Variants in TNPO1 observed in about 807,000 individuals in gnomAD.
The protein encoded by TNPO1 is transportin-1.
A neutral mutation model predicts 119.5 loss-of-function variants in TNPO1; 8 were observed. The observed-to-expected ratio is 0.07, with a 90% confidence interval of 0.04 to 0.12. The LOEUF (loss-of-function observed/expected upper bound fraction) is 0.12. Among genes scored for constraint, TNPO1 ranks in the 10% least tolerant of loss-of-function variants. TNPO1 has a pLI of 1.00. For missense variants in TNPO1, 576 were observed against 1,089.8 expected (o/e 0.53, Z 6.64); for synonymous variants, 362 against 363.0 (o/e 1.00, Z 0.03).
intron 1 of TNPO1, among the ~76,000 whole-genome samples, chr5:72,836,814 C>CA (rs1324671426): frequency 6.6e-6 from 1 of 152,202 alleles, no homozygotes; most frequent in Non-Finnish European, 1.5e-5. Context: ...ACTCTTAAGT[C>CA]CTGCCTTCCA....
At chr5:72,850,633 C>CCAGGTATT (rs1745472657) in intron 2 of TNPO1, among the ~76,000 whole-genome samples, 2 of 152,128 alleles carry the variant, frequency 1.3e-5, no homozygotes, top group Non-Finnish European at 1.5e-5. Flanking sequence ...CGATGAAATA[C>CCAGGTATT]CTGCAAATTG....
chr5:72,832,917 CATT>C (rs1468486681), intron 1 of TNPO1, among the ~76,000 whole-genome samples: 37 of 152,146 alleles, frequency 2.4e-4, no homozygotes, highest in Admixed American at 1.4e-3. Context: ...TGGGTATATT[CATT>C]AGACTTCCTA....
intron 4 of TNPO1, among the ~76,000 whole-genome samples, chr5:72,858,889 T>C (rs1411753602): frequency 6.6e-6 from 1 of 151,692 alleles, no homozygotes; most frequent in Non-Finnish European, 1.5e-5. Context: ...GTTTTGTTTG[T>C]TTTGCTTCAG....
intron 22 of TNPO1, 91 bp from the exon 23 acceptor site, chr5:72,903,618 A>G: frequency 3.8e-6 from 3 of 798,244 alleles, no homozygotes; most frequent in Non-Finnish European, 6.1e-6. Context: ...GCTAGATTCT[A>G]TTGTGACATA....
At chr5:72,903,543 C>T (rs1229169761) in intron 22 of TNPO1, among the ~76,000 whole-genome samples, 166 bp from the exon 23 acceptor site, 4 of 152,086 alleles carry the variant, frequency 2.6e-5, no homozygotes, top group African/African-American at 9.7e-5. Flanking sequence ...ATAGGGACAG[C>T]CATTAAGGTA....
In TNPO1 at chr5:72,912,774, A is replaced by G. The variant is rs1750649069; in HGVS notation, c.*4101A>G. 6.6e-6 allele frequency: 1 copy of G among 152,458 alleles called. No individual in the cohort carries two copies. Among genetic ancestry groups the G allele is most frequent in the African/African-American group, 2.4e-5 (1 of 41,438 alleles). The allele number at this position is 152,458 out of a possible 1,614,324, so 9.4% of individuals were successfully genotyped here. A position where few individuals can be genotyped will look rare whatever the true frequency, so the allele number is the denominator to read the frequency against. Reference sequence around the variant, plus strand: ...AAATAAATTAATTGCATCTTAGTCTAAATTTAAGTCCTTTGCCATGAGGAA... The same window carrying G: ...AAATAAATTAATTGCATCTTAGTCTGAATTTAAGTCCTTTGCCATGAGGAA... On this transcript the variant is annotated 3_prime_UTR_variant, in exon 25 of 25. Coordinates refer to ENST00000337273, the MANE Select transcript of TNPO1 (RefSeq NM_002270.4).
chr5:72,891,354 A>G (rs951438654), intron 14 of TNPO1, among the ~76,000 whole-genome samples: 1 of 151,878 alleles, frequency 6.6e-6, no homozygotes, highest in Non-Finnish European at 1.5e-5. Context: ...AGTCCCAGCT[A>G]CTCGGGAGGC....
In TNPO1 at chr5:72,870,158, CTTTT is replaced by C. The variant is rs200118076; in HGVS notation, c.597-2465_597-2462del. Among the ~76,000 whole-genome samples the C allele has an allele frequency of 1.0e-3, 108 of 106,166 alleles. 1 individual carries two copies. Among genetic ancestry groups the C allele is most frequent in the Admixed American group, 3.3e-3 (28 of 8,534 alleles). 69.6% of individuals were successfully genotyped at this position (106,166 alleles called of 152,430 possible). Reference sequence around the variant, plus strand: ...ATAGTCATTTTCACAATACTAATTGCTTTTTTTTTTTTTTTTTTTGAGACGGAGT... The same window carrying C: ...ATAGTCATTTTCACAATACTAATTGCTTTTTTTTTTTTTTTGAGACGGAGT... On this transcript the variant is annotated intron_variant, in intron 6 of 24. Transcript: ENST00000337273.
At chr5:72,879,481 G>A (rs1320714728) in intron 9 of TNPO1, among the ~76,000 whole-genome samples, 1 of 152,148 alleles carries the variant, frequency 6.6e-6, no homozygotes, top group Non-Finnish European at 1.5e-5. Flanking sequence ...GCTAATTAGT[G>A]CCAACATTAA....
intron 9 of TNPO1, chr5:72,878,721 G>T (rs2112399151): frequency 1.3e-5 from 3 of 234,682 alleles, no homozygotes; most frequent in Admixed American, 5.3e-5. Context: ...TCTTTACTTT[G>T]TAATGCCACT....
intron 3 of TNPO1, 138 bp downstream of exon 3, chr5:72,851,457 A>G (rs1489059293): frequency 6.8e-6 from 4 of 584,588 alleles, no homozygotes; most frequent in Middle Eastern, 2.7e-4. Context: ...GTCTTAGTTA[A>G]TACCACTCAG....
At chr5:72,829,510 C>T (rs751257738) in intron 1 of TNPO1, among the ~76,000 whole-genome samples, 7 of 152,338 alleles carry the variant, frequency 4.6e-5, no homozygotes, top group Middle Eastern at 6.8e-3. Context: ...CCAGAACTAC[C>T]GTTGAACAAT....
intron 7 of TNPO1, among the ~76,000 whole-genome samples, chr5:72,874,382 T>A (rs1747618365): frequency 6.6e-6 from 1 of 152,172 alleles, no homozygotes; most frequent in Non-Finnish European, 1.5e-5. Flanking sequence ...TGTATAACCT[T>A]GGCAAAGCTG....
Position 72,881,835 on chromosome 5 carries a change from G to A in TNPO1, c.921-632G>A, listed in dbSNP as rs564187844. On this transcript the variant is annotated intron_variant, in intron 9 of 24. Coordinates refer to ENST00000337273, the MANE Select transcript of TNPO1 (RefSeq NM_002270.4). ...TTTCTTATACCCAGAGACCCTCACC[G>A]TACCAGATAAATATTCACTCTTAGC... Among the ~76,000 whole-genome samples the A allele has an allele frequency of 4.6e-5, 7 of 152,084 alleles. No homozygotes were observed. In the East Asian group the frequency reaches 5.8e-4, roughly 13 times the overall value.
In TNPO1 at chr5:72,908,935, A is replaced by G; in HGVS notation, c.*262A>G. On this transcript the variant is annotated 3_prime_UTR_variant, in exon 25 of 25. Coordinates refer to ENST00000337273, the MANE Select transcript of TNPO1 (RefSeq NM_002270.4). ...GTCTCCAGTTACAACTCCGCAGTGG[A>G]TGTGAAGAAGCAAAAAAAAAAAAAT... 2.2e-6 allele frequency: 1 copy of G among 449,624 alleles called. No individual in the cohort carries two copies. The highest frequency in any genetic ancestry group is 4.5e-6 in the Non-Finnish European group (1 of 224,394). 27.9% of individuals were successfully genotyped at this position (449,624 alleles called of 1,614,324 possible). A position where few individuals can be genotyped will look rare whatever the true frequency, so the allele number is the denominator to read the frequency against.
At chr5:72,830,856 A>T (rs538193923) in intron 1 of TNPO1, among the ~76,000 whole-genome samples, 6 of 152,272 alleles carry the variant, frequency 3.9e-5, no homozygotes, top group Admixed American at 3.9e-4. Context: ...GCCATAATGG[A>T]AATAGTATGT....
At position 72,848,217 on chromosome 5, in the gene TNPO1, A is replaced by G. The variant is rs1305946601; in HGVS notation, c.16-168A>G. 4.0e-6 allele frequency: 5 copies of G among 1,241,518 alleles called. No individual in the cohort carries two copies. In the Admixed American group the frequency reaches 1.7e-4, roughly 43 times the overall value. 76.9% of individuals were successfully genotyped at this position (1,241,518 alleles called of 1,614,324 possible). On this transcript the variant is annotated intron_variant, in intron 1 of 24. Coordinates refer to ENST00000337273, the MANE Select transcript of TNPO1 (RefSeq NM_002270.4). ...GCCAGGAGCAGTTCCGCCGGGTTTC[A>G]CTGTCCGTGACTTCCTTCGGGGCAC...
chr5:72,876,225 A>G (rs940103229), intron 8 of TNPO1, among the ~76,000 whole-genome samples: 1 of 152,212 alleles, frequency 6.6e-6, no homozygotes, highest in Non-Finnish European at 1.5e-5. Flanking sequence ...TCTTTCTTCC[A>G]CAATACTCAG....
Position 72,816,721 on chromosome 5 carries a change from C to T in TNPO1, c.-17C>T. ...GTGCCGCTTCGGCCGAAGGCCCGAG[C>T]GCCCGAGGCGTCTGGGATGGTGTGG... On this transcript the variant is annotated 5_prime_UTR_variant, in exon 1 of 25. Coordinates refer to ENST00000337273, the MANE Select transcript of TNPO1 (RefSeq NM_002270.4). 6.4e-7 allele frequency: 1 copy of T among 1,571,530 alleles called. No individual in the cohort carries two copies. Among genetic ancestry groups the T allele is most frequent in the Non-Finnish European group, 8.6e-7 (1 of 1,161,082 alleles).
Sources: allele counts gnomAD v4.1 joint callset (sites outside exome capture counted in the v4.1 genomes callset), GRCh38; gene constraint gnomAD v4.1.1; transcripts MANE v1.5; gene names NCBI Gene and HGNC (gene_info 2026-07-23, HGNC 2026-07-21).